MYO3B: variants seen among roughly 807,000 people sequenced by gnomAD.
The protein encoded by MYO3B is myosin-IIIb.
In MYO3B, 156 loss-of-function variants were observed where a neutral mutation model predicts 174.6. The ratio of observed to expected loss-of-function variants is 0.89; its 90% confidence interval spans 0.78 to 1.02. The LOEUF is 1.02. MYO3B is among the 50% of genes least tolerant of loss of function. The probability of loss-of-function intolerance (pLI) is 0.00; values close to 1 mark genes in which losing one functional copy is unlikely to be tolerated. For missense variants in MYO3B, 1,632 were observed against 1,639.4 expected (o/e 1.00, Z 0.08); for synonymous variants, 563 against 569.1 (o/e 0.99, Z 0.15).
At chr2:170,519,824 T>A (rs1299195006) in intron 30 of MYO3B, 4 of 293,814 alleles carry the variant, frequency 1.4e-5, no homozygotes, top group Non-Finnish European at 2.6e-5. Context: ...AATACAAAAA[T>A]GAGCTGGCCA....
chr2:170,622,762 C>T (rs1696044916), intron 32 of MYO3B, among the ~76,000 whole-genome samples: 1 of 116,314 alleles, frequency 8.6e-6, no homozygotes, highest in African/African-American at 2.8e-5. Context: ...GTGATGTTCC[C>T]CTTCCTGTGT....
At chr2:170,518,018 A>G (rs535590459) in intron 29 of MYO3B, among the ~76,000 whole-genome samples, 1 of 151,046 alleles carries the variant, frequency 6.6e-6, no homozygotes, top group Admixed American at 6.6e-5. Flanking sequence ...TGTGTGTAAT[A>G]ATAAAAATTG....
chr2:170,504,474 T>A (rs1321689303), intron 28 of MYO3B, among the ~76,000 whole-genome samples: 2 of 152,212 alleles, frequency 1.3e-5, no homozygotes, highest in African/African-American at 4.8e-5. Flanking sequence ...TCCCTTTAGC[T>A]TCCTCAGAAC....
intron 1 of MYO3B, among the ~76,000 whole-genome samples, chr2:170,193,970 T>A (rs913377399): frequency 1.3e-5 from 2 of 152,174 alleles, no homozygotes; most frequent in Non-Finnish European, 2.9e-5. Context: ...TTCCCTTTTG[T>A]AAACATACTT....
intron 32 of MYO3B, among the ~76,000 whole-genome samples, chr2:170,629,162 C>T (rs1696720329): frequency 6.6e-6 from 1 of 152,234 alleles, no homozygotes; most frequent in African/African-American, 2.4e-5. Flanking sequence ...CCAGTATGGG[C>T]ATAAACTGTC....
chr2:170,466,505 G>T lies in MYO3B; in HGVS notation c.2809-1G>T, dbSNP rs763108748. 1 of 1,613,970 alleles carries T rather than the reference G, an allele frequency of 6.2e-7. No homozygotes were observed. Among genetic ancestry groups the T allele is most frequent in the Non-Finnish European group, 8.5e-7 (1 of 1,179,958 alleles). ...TCCTTGTGCATTTTTCTCCCTGGTA[G>T]TATTCTCTGATGGACCTGCTCTCCA... is the stretch of plus-strand genomic sequence containing the variant. On this transcript the variant is annotated splice_acceptor_variant, in intron 24 of 34. Transcript: ENST00000408978. LOFTEE classifies it high-confidence loss of function.
chr2:170,209,133 C>T (rs1464869654), intron 3 of MYO3B, among the ~76,000 whole-genome samples: 3 of 152,162 alleles, frequency 2.0e-5, no homozygotes, highest in Non-Finnish European at 2.9e-5. Flanking sequence ...CATACCCTTC[C>T]AGTCAAAGCC....
chr2:170,322,112 C>CG, intron 7 of MYO3B, among the ~76,000 whole-genome samples: 2 of 100,650 alleles, frequency 2.0e-5, no homozygotes, highest in South Asian at 7.2e-4. Context: ...GACTCCGTCT[C>CG]GAAAAAAAAA....
In MYO3B at chr2:170,466,521, C is replaced by T. The variant is rs767819675; in HGVS notation, c.2824C>T (p.Leu942=). ...ASYFRYSLMD[L]LSKMVVGQPH... The stretch of plus-strand genomic sequence containing the variant: ...TCCCTGGTAGTATTCTCTGATGGAC[C>T]TGCTCTCCAAAATGGTGGTTGGACA... The change falls in exon 25 of 35, where the codon CTG becomes TTG. Residue 942 remains leucine, a synonymous_variant. Transcript: ENST00000408978. The T allele has an allele frequency of 6.2e-7, 1 of 1,614,138 alleles. No homozygotes were observed. The highest frequency in any genetic ancestry group is 2.2e-5 in the East Asian group (1 of 44,884).
intron 28 of MYO3B, among the ~76,000 whole-genome samples, chr2:170,509,618 T>G (rs1190510303): frequency 6.6e-6 from 1 of 152,186 alleles, no homozygotes; most frequent in Non-Finnish European, 1.5e-5. Flanking sequence ...CTTGATTCAT[T>G]TGTGTATATA....
chr2:170,549,284 C>T (rs1381537567), intron 32 of MYO3B, among the ~76,000 whole-genome samples: 6 of 152,260 alleles, frequency 3.9e-5, no homozygotes, highest in Admixed American at 1.3e-4. Flanking sequence ...ACCTTAATCA[C>T]GTTTCTTTTT....
intron 7 of MYO3B, among the ~76,000 whole-genome samples, chr2:170,267,913 G>A (rs72887588): frequency 0.048 from 7,373 of 152,164 alleles, 387 homozygotes; most frequent in African/African-American, 0.13. Context: ...AATGGATAAA[G>A]AAACTGTAGA....
chr2:170,335,828 G>A (rs1032822108), intron 8 of MYO3B, among the ~76,000 whole-genome samples: 4 of 152,190 alleles, frequency 2.6e-5, no homozygotes, highest in Non-Finnish European at 5.9e-5. Flanking sequence ...TTTTTGCAGT[G>A]TGAAAGTTGG....
intron 8 of MYO3B, chr2:170,344,775 A>T (rs1055560284): frequency 6.6e-6 from 1 of 152,190 alleles, no homozygotes; most frequent in African/African-American, 2.4e-5. Flanking sequence ...GTATCAAATG[A>T]CAGTGATGAA....
At chr2:170,202,794 T>C (rs1192560698) in intron 3 of MYO3B, among the ~76,000 whole-genome samples, 1 of 152,230 alleles carries the variant, frequency 6.6e-6, no homozygotes, top group Non-Finnish European at 1.5e-5. Context: ...AAAAATTATC[T>C]GTTTAATACT....
chr2:170,211,722 C>T (rs2092772436), intron 3 of MYO3B, among the ~76,000 whole-genome samples: 1 of 151,982 alleles, frequency 6.6e-6, no homozygotes, highest in African/African-American at 2.4e-5. Flanking sequence ...AAATGAAAAA[C>T]AAAAAGCATT....
chr2:170,432,909 C>A (rs2094722955), intron 22 of MYO3B, among the ~76,000 whole-genome samples: 1 of 152,076 alleles, frequency 6.6e-6, no homozygotes, highest in African/African-American at 2.4e-5. Flanking sequence ...TTAGTGTAGC[C>A]TAAGTGTGCA....
intron 7 of MYO3B, among the ~76,000 whole-genome samples, chr2:170,325,865 C>G (rs562973421): frequency 2.6e-5 from 4 of 152,256 alleles, no homozygotes; most frequent in Non-Finnish European, 5.9e-5. Flanking sequence ...GCTACATTCT[C>G]CAAGATCAGT....
intron 32 of MYO3B, among the ~76,000 whole-genome samples, chr2:170,641,948 G>A (rs1336240012): frequency 6.9e-6 from 1 of 145,516 alleles, no homozygotes; most frequent in Non-Finnish European, 1.5e-5. Flanking sequence ...ACATATTCCT[G>A]TAAAGATATT....
Sources: gnomAD v4.1 joint callset for allele counts (sites outside exome capture counted in the v4.1 genomes callset) on GRCh38, gnomAD v4.1.1 for gene constraint, MANE v1.5 for transcripts, NCBI Gene and HGNC (gene_info 2026-07-23, HGNC 2026-07-21) for gene names.